RBFOX1: variants seen among roughly 807,000 people sequenced by gnomAD.
The protein encoded by RBFOX1 is RNA binding fox-1 homolog 1, also known as RNA binding protein fox-1 homolog 1.
A neutral mutation model predicts 57.7 loss-of-function variants in RBFOX1; 8 were observed. The ratio of observed to expected loss-of-function variants is 0.14; its 90% confidence interval spans 0.08 to 0.25. The LOEUF is 0.25. RBFOX1 is among the 10% of genes least tolerant of loss of function. RBFOX1 has a pLI of 1.00. For missense variants in RBFOX1, 611 were observed against 548.5 expected, an observed-to-expected ratio of 1.11 and a Z score of -1.14; for synonymous variants, 326 against 222.4, an observed-to-expected ratio of 1.47 and a Z score of -4.15.
intron 3 of RBFOX1, among the ~76,000 whole-genome samples, chr16:6,688,721 G>T (rs2059795733): frequency 6.6e-6 from 1 of 152,092 alleles, no homozygotes; most frequent in Non-Finnish European, 1.5e-5. Context: ...CACATGCCAT[G>T]GTGGTTTGCT....
chr16:6,148,295 C>G (rs992312718), intron 1 of RBFOX1, among the ~76,000 whole-genome samples: 5 of 152,238 alleles, frequency 3.3e-5, no homozygotes, highest in Non-Finnish European at 7.3e-5. Flanking sequence ...CCACTGCACT[C>G]CAGCCTGGGC....
intron 10 of RBFOX1, among the ~76,000 whole-genome samples, chr16:7,616,107 G>T (rs1406143884): frequency 6.6e-6 from 1 of 152,210 alleles, no homozygotes; most frequent in Admixed American, 6.5e-5. Context: ...GCTGTGTTGG[G>T]AGTCCCCAAG....
intron 14 of RBFOX1, among the ~76,000 whole-genome samples, chr16:7,700,743 C>G (rs1412162826): frequency 2.0e-5 from 3 of 152,174 alleles, no homozygotes; most frequent in African/African-American, 7.2e-5. Flanking sequence ...GTGGGACTTA[C>G]TTACTGTGTC....
rs375860565 is a variant in RBFOX1, at chr16:6,797,932, T to C, written c.-16+143282T>C. Among the ~76,000 whole-genome samples the C allele has an allele frequency of 3.3e-5, 5 of 152,242 alleles. No homozygotes were observed. In the East Asian group the frequency reaches 9.7e-4, roughly 29 times the overall value. Reference sequence around the variant, plus strand: ...AACTTTCTGTGTCAGTATTTTCTTGTCTTTGAAATGGAGATGATGATGATG... The same window carrying C: ...AACTTTCTGTGTCAGTATTTTCTTGCCTTTGAAATGGAGATGATGATGATG... On this transcript the variant is annotated intron_variant, in intron 3 of 15. Transcript: ENST00000550418.
chr16:5,396,510 C>T (rs2066560194), intron 1 of RBFOX1, among the ~76,000 whole-genome samples: 1 of 152,132 alleles, frequency 6.6e-6, no homozygotes, highest in African/African-American at 2.4e-5. Context: ...GGTGTGGCAG[C>T]ACATGCCTGT....
At chr16:7,673,217 C>G (rs576253966) in intron 13 of RBFOX1, among the ~76,000 whole-genome samples, 3 of 152,112 alleles carry the variant, frequency 2.0e-5, no homozygotes, top group Non-Finnish European at 4.4e-5. Flanking sequence ...CAAAAGTGAT[C>G]TAAAGTGAAA....
chr16:5,632,940 CTTTTTTT>C (rs71142634), intron 3 of RBFOX1, among the ~76,000 whole-genome samples: 1 of 125,616 alleles, frequency 8.0e-6, no homozygotes, highest in Non-Finnish European at 1.6e-5. Context: ...TTAACAACTC[CTTTTTTT>C]TTTTTTTTTG....
chr16:6,114,055 C>G (rs903592440), intron 1 of RBFOX1, among the ~76,000 whole-genome samples: 2 of 152,156 alleles, frequency 1.3e-5, no homozygotes, highest in African/African-American at 4.8e-5. Context: ...ACCGTTCTTC[C>G]TAGTTGTCAA....
At chr16:6,905,793 C>T (rs961245707) in intron 3 of RBFOX1, among the ~76,000 whole-genome samples, 2 of 152,176 alleles carry the variant, frequency 1.3e-5, no homozygotes, top group African/African-American at 4.8e-5. Flanking sequence ...CTGAGCCGGT[C>T]CTGCCTAGGA....
chr16:7,285,447 C>T (rs544122249), intron 4 of RBFOX1, among the ~76,000 whole-genome samples: 13 of 151,632 alleles, frequency 8.6e-5, no homozygotes, highest in South Asian at 2.1e-4. Flanking sequence ...AGAATTTTAC[C>T]GCACATGTAG....
chr16:5,296,362 TGTAA>T (rs2063668187), intron 1 of RBFOX1, among the ~76,000 whole-genome samples: 1 of 152,164 alleles, frequency 6.6e-6, no homozygotes, highest in Admixed American at 6.5e-5. Flanking sequence ...CACACTGTCA[TGTAA>T]GTCTGCATCC....
intron 2 of RBFOX1, among the ~76,000 whole-genome samples, chr16:6,567,503 G>T (rs756368270): frequency 1.2e-4 from 18 of 152,180 alleles, no homozygotes; most frequent in Non-Finnish European, 2.2e-4. Flanking sequence ...CACAGAGACA[G>T]TCACCCTGGT....
At chr16:7,166,972 C>CTTTTTTTTGTTTTTTTTTTTTTT (rs2079654853) in intron 4 of RBFOX1, among the ~76,000 whole-genome samples, 1 of 49,098 alleles carries the variant, frequency 2.0e-5, no homozygotes. Context: ...CATTGGTGTT[C>CTTTTTTTTGTTTTTTTTTTTTTT]TTTTTTTTTT....
Position 5,873,291 on chromosome 16 carries a change from C to G in RBFOX1, c.351+5956C>G, listed in dbSNP as rs920287597. Reference sequence around the variant, plus strand: ...ATGGCTGTATCCTGCCCTAACCAGACAGAAGTTCACTCCTATGACTTAATT... The same window carrying G: ...ATGGCTGTATCCTGCCCTAACCAGAGAGAAGTTCACTCCTATGACTTAATT... On this transcript the variant is annotated intron_variant, in intron 4 of 19. Coordinates refer to the RBFOX1 transcript ENST00000641259. 2.6e-5 allele frequency among the ~76,000 whole-genome samples: 4 copies of G among 152,164 alleles called. No homozygotes were observed. The East Asian group carries it at 5.8e-4, about 22-fold the overall frequency.
intron 4 of RBFOX1, among the ~76,000 whole-genome samples, chr16:7,208,141 G>C (rs1295213826): frequency 2.0e-5 from 3 of 152,174 alleles, no homozygotes; most frequent in Non-Finnish European, 4.4e-5. Flanking sequence ...TATCCCTGGA[G>C]TTTGGTTTTT....
chr16:6,186,545 T>C (rs1175195968), intron 1 of RBFOX1, among the ~76,000 whole-genome samples: 2 of 151,798 alleles, frequency 1.3e-5, no homozygotes, highest in African/African-American at 4.8e-5. Flanking sequence ...GAGTGTGAGG[T>C]CAGGGAAAAG....
intron 1 of RBFOX1, among the ~76,000 whole-genome samples, chr16:5,411,228 AG>A (rs1220325998): frequency 5.9e-5 from 9 of 152,350 alleles, no homozygotes; most frequent in Admixed American, 1.3e-4. Flanking sequence ...GCATGGCGAA[AG>A]GGACTTTGCA....
chr16:7,686,279 C>T (rs181541437), intron 14 of RBFOX1, among the ~76,000 whole-genome samples: 1 of 151,792 alleles, frequency 6.6e-6, no homozygotes, highest in Non-Finnish European at 1.5e-5. Context: ...GTTTTAAAAT[C>T]TTGACTTCTA....
intron 1 of RBFOX1, among the ~76,000 whole-genome samples, chr16:6,271,315 T>C (rs1453746024): frequency 6.6e-6 from 1 of 152,096 alleles, no homozygotes; most frequent in Non-Finnish European, 1.5e-5. Context: ...TCCCAGCTAC[T>C]GGGGAGGTTG....
Sources: gnomAD v4.1 joint callset for allele counts (sites outside exome capture counted in the v4.1 genomes callset) on GRCh38, gnomAD v4.1.1 for gene constraint, MANE v1.5 for transcripts, NCBI Gene and HGNC (gene_info 2026-07-23, HGNC 2026-07-21) for gene names.